The following CSMD1 variants were observed in gnomAD, a reference collection of about 807,000 sequenced individuals.
CSMD1 encodes CUB and Sushi multiple domains 1.
Under a neutral mutation model 417.5 loss-of-function variants are expected in CSMD1, and 213 were observed. That is an observed-to-expected ratio of 0.51 (90% CI 0.46 to 0.57). CSMD1 has a LOEUF of 0.57. Among genes scored for constraint, CSMD1 ranks in the 20% least tolerant of loss-of-function variants. The pLI is 0.00. For synonymous variants in CSMD1, 2,862 were observed against 1,736.8 expected (o/e 1.65, Z -16.11); for missense variants, 6,923 against 4,529.7 (o/e 1.53, Z -15.17).
chr8:3,459,027 G>T (rs1226076680), intron 12 of CSMD1, among the ~76,000 whole-genome samples: 1 of 152,254 alleles, frequency 6.6e-6, no homozygotes, highest in African/African-American at 2.4e-5. Flanking sequence ...CGCAAGGGTA[G>T]GAAGGACCCG....
chr8:4,832,841 G>A (rs1179071777), intron 1 of CSMD1, among the ~76,000 whole-genome samples: 3 of 152,102 alleles, frequency 2.0e-5, no homozygotes, highest in Non-Finnish European at 2.9e-5. Flanking sequence ...TGTGATAAAA[G>A]CAGGTGCATG....
intron 3 of CSMD1, among the ~76,000 whole-genome samples, chr8:4,327,734 C>CT (rs1352539881): frequency 6.6e-6 from 1 of 152,234 alleles, no homozygotes; most frequent in Non-Finnish European, 1.5e-5. Context: ...AAGAGACCTA[C>CT]TGTCCGAAAA....
At chr8:4,548,809 G>C (rs1029762613) in intron 2 of CSMD1, among the ~76,000 whole-genome samples, 2 of 152,102 alleles carry the variant, frequency 1.3e-5, no homozygotes, top group South Asian at 4.1e-4. Context: ...GCAACAACCT[G>C]ATATATGGAG....
At chr8:3,003,779 AAG>A (rs1807634857) in intron 52 of CSMD1, among the ~76,000 whole-genome samples, 1 of 152,174 alleles carries the variant, frequency 6.6e-6, no homozygotes, top group Non-Finnish European at 1.5e-5. Flanking sequence ...CTCCTGGTGA[AAG>A]AGGTGGCATT....
At chr8:4,101,038 T>C (rs1036178317) in intron 3 of CSMD1, among the ~76,000 whole-genome samples, 38 of 152,130 alleles carry the variant, frequency 2.5e-4, no homozygotes, top group African/African-American at 8.2e-4. Context: ...GATTGCAGAA[T>C]GATGCAAAGG....
intron 5 of CSMD1, among the ~76,000 whole-genome samples, chr8:3,967,261 T>C (rs569509661): frequency 3.0e-4 from 42 of 139,470 alleles, no homozygotes; most frequent in African/African-American, 1.1e-3. Context: ...TCTGCTTTTT[T>C]AATTCTCTCT....
At chr8:3,718,554 T>C (rs1230612785) in intron 6 of CSMD1, among the ~76,000 whole-genome samples, 1 of 152,190 alleles carries the variant, frequency 6.6e-6, no homozygotes, top group Non-Finnish European at 1.5e-5. Context: ...TCTTTTAATT[T>C]AATGTCGCTT....
Position 4,588,583 on chromosome 8 carries a change from G to A in CSMD1, c.302+48759C>T, listed in dbSNP as rs1799821020. ...GCCGAGTCTGGCGGATCAGCAGATC[G>A]AGACCATCCTGGTTAACACGGTGAA... On this transcript the variant is annotated intron_variant, in intron 2 of 69. Coordinates refer to ENST00000635120, the MANE Select transcript of CSMD1 (RefSeq NM_033225.6). Among the ~76,000 whole-genome samples, 3 of 151,674 alleles carry A rather than the reference G, an allele frequency of 2.0e-5. No homozygotes were observed. In the South Asian group the frequency reaches 6.3e-4, roughly 32 times the overall value.
At chr8:4,654,083 T>G (rs550159629) in intron 1 of CSMD1, among the ~76,000 whole-genome samples, 2 of 152,254 alleles carry the variant, frequency 1.3e-5, no homozygotes, top group East Asian at 3.9e-4. Context: ...CTCAGCAACT[T>G]TTTTCTTTCC....
At chr8:4,667,689 G>C (rs998333877) in intron 1 of CSMD1, among the ~76,000 whole-genome samples, 1 of 152,024 alleles carries the variant, frequency 6.6e-6, no homozygotes, top group African/African-American at 2.4e-5. Context: ...GAAATTCAAT[G>C]GATTTTTAAA....
intron 10 of CSMD1, among the ~76,000 whole-genome samples, chr8:3,524,238 T>C (rs1380412424): frequency 8.2e-5 from 11 of 133,950 alleles, no homozygotes; most frequent in East Asian, 7.1e-4. Context: ...CATACACACA[T>C]ACACACCCAG....
At chr8:4,426,352 G>C (rs1157100792) in intron 2 of CSMD1, among the ~76,000 whole-genome samples, 1 of 149,984 alleles carries the variant, frequency 6.7e-6, no homozygotes, top group East Asian at 1.9e-4. Flanking sequence ...ATATAATTTT[G>C]AAAATCCTTT....
chr8:4,863,828 A>C (rs752750558), intron 1 of CSMD1, among the ~76,000 whole-genome samples: 3 of 152,086 alleles, frequency 2.0e-5, no homozygotes, highest in South Asian at 2.1e-4. Flanking sequence ...CTTTAGGAAA[A>C]AGAAATGAAA....
At chr8:3,878,805 G>A (rs1585129916) in intron 5 of CSMD1, among the ~76,000 whole-genome samples, 1 of 152,076 alleles carries the variant, frequency 6.6e-6, no homozygotes, top group Non-Finnish European at 1.5e-5. Flanking sequence ...CTATAACGAC[G>A]ACCACAAATC....
At chr8:3,067,023 C>T (rs1563300853) in intron 49 of CSMD1, among the ~76,000 whole-genome samples, 1 of 152,006 alleles carries the variant, frequency 6.6e-6, no homozygotes, top group Admixed American at 6.6e-5. Flanking sequence ...ACTGATTTAC[C>T]ACCCCTCCTT....
intron 2 of CSMD1, among the ~76,000 whole-genome samples, chr8:4,467,179 G>C (rs528642328): frequency 6.7e-6 from 1 of 149,176 alleles, no homozygotes; most frequent in African/African-American, 2.5e-5. Context: ...AACTCGTTCT[G>C]TAAACAATGT....
intron 5 of CSMD1, among the ~76,000 whole-genome samples, chr8:3,824,169 T>C (rs1257893860): frequency 1.3e-5 from 2 of 152,064 alleles, no homozygotes; most frequent in Non-Finnish European, 2.9e-5. Context: ...AATGGAAATA[T>C]CTATAGCTTT....
intron 7 of CSMD1, among the ~76,000 whole-genome samples, chr8:3,650,401 T>C (rs73181161): frequency 0.072 from 11,017 of 152,254 alleles, 423 homozygotes; most frequent in African/African-American, 0.09. Flanking sequence ...AATTATGACA[T>C]GGCAAAAAGT....
At chr8:4,445,999 G>A (rs889499021) in intron 2 of CSMD1, among the ~76,000 whole-genome samples, 1 of 152,124 alleles carries the variant, frequency 6.6e-6, no homozygotes, top group East Asian at 1.9e-4. Flanking sequence ...CTCTTCCCTG[G>A]CAGCACCCTG....
Sources: allele counts gnomAD v4.1 joint callset (sites outside exome capture counted in the v4.1 genomes callset), GRCh38; gene constraint gnomAD v4.1.1; transcripts MANE v1.5; gene names NCBI Gene and HGNC (gene_info 2026-07-23, HGNC 2026-07-21).